Variants in SPTB observed in about 807,000 individuals in gnomAD.
SPTB encodes the protein spectrin beta, erythrocytic.
SPTB carries 45 observed loss-of-function variants against 256.2 expected under a neutral mutation model. The ratio of observed to expected loss-of-function variants is 0.18; its 90% CI spans 0.14 to 0.23. SPTB has a LOEUF of 0.23. Ranked by LOEUF, SPTB falls within the 10% of genes least tolerant of loss-of-function variation. SPTB has a pLI of 1.00. For missense variants in SPTB, 2,715 were observed against 3,040.4 expected (o/e 0.89, Z 2.52); for synonymous variants, 1,231 against 1,243.1 (o/e 0.99, Z 0.21).
chr14:64,786,255 A>AT lies in SPTB; in HGVS notation c.3561+148_3561+149insA. Reference sequence around the variant, plus strand: ...GGACACAAGGCTGGAAAAGGCCCCTAATGAGAAACAAAGATTTCCCCCATG... The same window carrying AT: ...GGACACAAGGCTGGAAAAGGCCCCTATATGAGAAACAAAGATTTCCCCCATG... On this transcript the variant is annotated intron_variant, in intron 16 of 35. Transcript: ENST00000644917. This position sits in a 1 kb window ranked among gnomAD's most constrained non-coding sequence, Gnocchi z 5.6. 8.3e-7 allele frequency: 1 copy of AT among 1,211,238 alleles called. No homozygotes were observed. The highest frequency in any genetic ancestry group is 1.2e-5 in the South Asian group (1 of 81,800). The allele number at this position is 1,211,238 out of a possible 1,614,324, so 75.0% of individuals were successfully genotyped here. A position where few individuals can be genotyped will look rare whatever the true frequency, so the allele number is the denominator to read the frequency against.
chr14:64,864,803 G>C (rs1339317400), intron 1 of SPTB, among the ~76,000 whole-genome samples: 1 of 152,026 alleles, frequency 6.6e-6, no homozygotes, highest in Non-Finnish European at 1.5e-5. Flanking sequence ...CTAAAAACTG[G>C]TTTTTAAAAA....
Position 64,775,236 on chromosome 14 carries a change from C to G in SPTB, c.4731G>C (p.Leu1577=). The G allele has an allele frequency of 6.2e-7, 1 of 1,613,740 alleles. No homozygotes were observed. Among genetic ancestry groups the G allele is most frequent in the Non-Finnish European group, 8.5e-7 (1 of 1,180,046 alleles). Reference sequence around the variant, plus strand: ...CCTCGTTGGCGTCCCTCAGTCGCTGCAGCCTCCCGGCCGCTGCCTCCCGCA... The same window carrying G: ...CCTCGTTGGCGTCCCTCAGTCGCTGGAGCCTCCCGGCCGCTGCCTCCCGCA... ...DRLREAAAGR[L]QRLRDANEAQ... is the part of the protein sequence containing the mutation. Residue 1577 remains leucine (L), a synonymous_variant, in exon 23 of 36, where the codon CTG becomes CTC. Transcript: ENST00000644917. This position sits in a 1 kb window ranked among gnomAD's most constrained non-coding sequence, Gnocchi z 5.0.
chr14:64,767,162 G>A (rs566013818), intron 31 of SPTB, 141 bp downstream of exon 31: 3 of 1,115,294 alleles, frequency 2.7e-6, no homozygotes, highest in Non-Finnish European at 2.7e-6. Flanking sequence ...TCATGCTCAG[G>A]CACTCTGGGC....
chr14:64,822,301 G>A (rs995837959), intron 2 of SPTB, among the ~76,000 whole-genome samples: 43 of 110,702 alleles, frequency 3.9e-4, no homozygotes, highest in African/African-American at 1.3e-3. Context: ...GCCAACAGGG[G>A]GAGGAGAAGT....
At chr14:64,784,594 A>G (rs1244537237) in intron 18 of SPTB, among the ~76,000 whole-genome samples, 1 of 152,246 alleles carries the variant, frequency 6.6e-6, no homozygotes, top group African/African-American at 2.4e-5. Context: ...AAATGTGGGC[A>G]CAGGTGCATC....
In SPTB at chr14:64,853,511, C is replaced by T. The variant is rs1406852023; in HGVS notation, c.-52+26281G>A. On this transcript the variant is annotated intron_variant, in intron 1 of 35. Coordinates refer to ENST00000644917, the MANE Select transcript of SPTB (RefSeq NM_001355436.2). This position sits in a 1 kb window ranked among gnomAD's most constrained non-coding sequence, Gnocchi z 4.3. ...GCCTTAGTGATTCACAGCTGGTGAC[C>T]ACAGGGAGAACAGTTTCAGTAGGGC... 3.3e-5 allele frequency among the ~76,000 whole-genome samples: 5 copies of T among 152,154 alleles called. No individual in the cohort carries two copies. The highest frequency in any genetic ancestry group is 7.3e-5 in the Non-Finnish European group (5 of 68,038).
At position 64,750,027 on chromosome 14, in the gene SPTB, C is replaced by T. The variant is rs749750489; in HGVS notation, c.6730G>A (p.Glu2244Lys). 1.9e-6 allele frequency: 3 copies of T among 1,614,228 alleles called. No individual in the cohort carries two copies. Among genetic ancestry groups the T allele is most frequent in the Admixed American group, 1.7e-5 (1 of 60,028 alleles). The change falls in exon 34 of 36, where the codon GAG (glutamate) becomes AAG (lysine). Residue 2244 changes from glutamate (E) to lysine (K), a missense_variant. Transcript: ENST00000644917. ...TTCTTCTTGTAGTTGGCAGCAATCT[C>T]ACAGATGGCATGTCTCAGGGCCAGG... The part of the protein sequence containing the change: ...EPLALRHAIC[E>K]IAANYKKKKH...
intron 1 of SPTB, among the ~76,000 whole-genome samples, chr14:64,868,390 TA>T (rs201334134): frequency 1.1e-4 from 17 of 150,814 alleles, no homozygotes; most frequent in Non-Finnish European, 2.2e-4. Context: ...AACCTAGCTA[TA>T]AAAAAAAACA....
In SPTB at chr14:64,749,272, G is replaced by C. The variant is rs753168397; in HGVS notation, c.*34C>G. 6.5e-7 allele frequency: 1 copy of C among 1,547,908 alleles called. No individual in the cohort carries two copies. Among genetic ancestry groups the C allele is most frequent in the Non-Finnish European group, 8.7e-7 (1 of 1,151,708 alleles). ...GGCCTGGGCTGCCCGGTCTCTGCGC[G>C]TCCCGACTCCGCCGCGCCCGCCAGC... On this transcript the variant is annotated 3_prime_UTR_variant, in exon 36 of 36. Coordinates refer to ENST00000644917, the MANE Select transcript of SPTB (RefSeq NM_001355436.2). The surrounding 1 kb of genome is among the most constrained non-coding windows in gnomAD (Gnocchi z 4.7).
rs1055501135 is a variant in SPTB at position 64,823,363 on chromosome 14, T to C, written c.-51-218A>G. On this transcript the variant is annotated intron_variant, in intron 1 of 35. Coordinates refer to ENST00000644917, the MANE Select transcript of SPTB (RefSeq NM_001355436.2). The surrounding 1 kb of genome is among the most constrained non-coding windows in gnomAD (Gnocchi z 6.5). Reference sequence around the variant, plus strand: ...ACAGTACCGGCAGCAGTGGCAGGGATGGAGAGCTGCACGTAGCAAGGGTCA... The same window carrying C: ...ACAGTACCGGCAGCAGTGGCAGGGACGGAGAGCTGCACGTAGCAAGGGTCA... Among the ~76,000 whole-genome samples the C allele has an allele frequency of 2.6e-5, 4 of 152,038 alleles. No individual in the cohort carries two copies. The highest frequency in any genetic ancestry group is 5.9e-5 in the Non-Finnish European group (4 of 67,986).
Position 64,786,981 on chromosome 14 carries a change from C to T in SPTB, c.2984G>A (p.Arg995Lys), listed in dbSNP as rs2082582646. The T allele has an allele frequency of 1.2e-6, 2 of 1,614,132 alleles. No homozygotes were observed. The highest frequency in any genetic ancestry group is 2.2e-5 in the South Asian group (2 of 91,080). Residue 995 changes from arginine (R) to lysine (K), a missense_variant, in exon 16 of 36, where the codon AGG (arginine) becomes AAG (lysine). Around this residue, in one of 4 missense-constraint regions of SPTB, gnomAD observed 2,239 missense variants for 2,384.4 expected, o/e 0.94. Transcript: ENST00000644917. This position sits in a 1 kb window ranked among gnomAD's most constrained non-coding sequence, Gnocchi z 5.6. ...RDLAGIIAIQ[R>K]KLSGLERDVA... ...GTCACGCTCCAGCCCTGACAACTTC[C>T]TCTGGATGGCGATGATACCTGCCAG...
intron 23 of SPTB, 139 bp from the exon 24 acceptor site, chr14:64,774,666 G>A: frequency 7.8e-7 from 1 of 1,277,104 alleles, no homozygotes; most frequent in Non-Finnish European, 1.1e-6. Context: ...AGCCACACAT[G>A]CTTCCTTCCT....
At position 64,835,646 on chromosome 14, in the gene SPTB, C is replaced by G. The variant is rs565595255; in HGVS notation, c.-51-12501G>C. Among the ~76,000 whole-genome samples the G allele has an allele frequency of 6.6e-5, 10 of 152,318 alleles. No individual in the cohort carries two copies. In the South Asian group the frequency reaches 1.9e-3, roughly 28 times the overall value. ...CCCTGTGCTGGGCTCTGCTGACAGG[C>G]AGCCACTAGTTACCAGCTCCTGCTG... On this transcript the variant is annotated intron_variant, in intron 1 of 35. Transcript: ENST00000644917.
intron 1 of SPTB, among the ~76,000 whole-genome samples, chr14:64,838,721 A>G (rs1030493984): frequency 1.3e-5 from 2 of 152,358 alleles, no homozygotes; most frequent in South Asian, 2.1e-4. Flanking sequence ...CTTTAAAAAA[A>G]AAACAATTCT....
rs928680937 is a variant in SPTB at position 64,779,949 on chromosome 14, G to A, written c.4267-18C>T. On this transcript the variant is annotated intron_variant, in intron 20 of 35. Transcript: ENST00000644917. The surrounding 1 kb of genome is among the most constrained non-coding windows in gnomAD (Gnocchi z 4.2). ...TCCACTCGCTGAGACACAAGGGGAC[G>A]GTGTCAGCACCAGCCTTGGCACCTG... 2 of 1,609,296 alleles carry A rather than the reference G, an allele frequency of 1.2e-6. No individual in the cohort carries two copies. Among genetic ancestry groups the A allele is most frequent in the East Asian group, 2.2e-5 (1 of 44,874 alleles).
At chr14:64,780,437 G>C (rs957900813) in intron 20 of SPTB, among the ~76,000 whole-genome samples, 1 of 152,090 alleles carries the variant, frequency 6.6e-6, no homozygotes, top group African/African-American at 2.4e-5. Flanking sequence ...TTTTGAGATG[G>C]AGTTTTGCTC....
At chr14:64,811,104 C>A (rs1214599547) in intron 2 of SPTB, among the ~76,000 whole-genome samples, 3 of 151,812 alleles carry the variant, frequency 2.0e-5, no homozygotes, top group African/African-American at 7.3e-5. Context: ...AAGATTGAGA[C>A]CCACCTCGAA....
intron 32 of SPTB, chr14:64,755,064 CAGG>C (rs1183469990): frequency 2.0e-5 from 3 of 152,338 alleles, no homozygotes; most frequent in African/African-American, 7.2e-5. Flanking sequence ...CATCTTCAGC[CAGG>C]AGGTCAGAAA....
At chr14:64,750,176 G>C (rs772989267) in intron 33 of SPTB, 22 bp from the exon 34 acceptor site, 2 of 1,607,752 alleles carry the variant, frequency 1.2e-6, no homozygotes, top group Non-Finnish European at 1.7e-6. Flanking sequence ...CAGACAGGCA[G>C]GTCACCCACA....
Sources: allele counts gnomAD v4.1 joint callset (sites outside exome capture counted in the v4.1 genomes callset), GRCh38; gene constraint gnomAD v4.1.1; regional missense constraint gnomAD v4.1.1; non-coding constraint Gnocchi (gnomAD v3.1); transcripts MANE v1.5; gene names NCBI Gene and HGNC (gene_info 2026-07-23, HGNC 2026-07-21).